The following KIAA1328 variants were observed in gnomAD, a reference collection of about 807,000 sequenced individuals.
The protein encoded by KIAA1328 is KIAA1328, also known as protein hinderin.
In KIAA1328, 52 loss-of-function variants were observed where a neutral mutation model predicts 68.1. That is an observed-to-expected ratio of 0.76 (90% CI 0.61 to 0.96). The LOEUF (loss-of-function observed/expected upper bound fraction) is 0.96. Among genes scored for constraint, KIAA1328 ranks in the 40% least tolerant of loss-of-function variants. KIAA1328 has a pLI of 0.00. For synonymous variants in KIAA1328, 232 were observed against 239.4 expected (o/e 0.97, Z 0.28); for missense variants, 641 against 677.6 (o/e 0.95, Z 0.60).
At chr18:36,840,423 C>T (rs2046821045) in intron 3 of KIAA1328, among the ~76,000 whole-genome samples, 1 of 148,978 alleles carries the variant, frequency 6.7e-6, no homozygotes, top group African/African-American at 2.5e-5. Context: ...TTTGCTTTTT[C>T]TTTTCCTTTT....
At chr18:37,096,084 T>G (rs1432465246) in intron 7 of KIAA1328, among the ~76,000 whole-genome samples, 1 of 149,686 alleles carries the variant, frequency 6.7e-6, no homozygotes, top group African/African-American at 2.5e-5. Flanking sequence ...CACCAATTCT[T>G]TTTTTTTTTC....
At position 37,172,702 on chromosome 18, in the gene KIAA1328, C is replaced by T. The variant is rs117098146; in HGVS notation, c.1415-271C>T. On this transcript the variant is annotated intron_variant, in intron 8 of 9. Coordinates refer to ENST00000280020, the MANE Select transcript of KIAA1328 (RefSeq NM_020776.3). Reference sequence around the variant, plus strand: ...GGGCATTTTCACAGTAAACCAAGATCAGCAGGGCTTTGCTAGGCAATCAGG... The same window carrying T: ...GGGCATTTTCACAGTAAACCAAGATTAGCAGGGCTTTGCTAGGCAATCAGG... 6.6e-4 allele frequency among the ~76,000 whole-genome samples: 101 copies of T among 152,292 alleles called. No homozygotes were observed. In the East Asian group the frequency reaches 0.015, roughly 23 times the overall value.
chr18:37,125,948 A>AT (rs149495539), intron 7 of KIAA1328, among the ~76,000 whole-genome samples: 29 of 151,300 alleles, frequency 1.9e-4, no homozygotes, highest in Non-Finnish European at 3.1e-4. Flanking sequence ...GGTATGTCAT[A>AT]TTTTTTTTAC....
chr18:37,181,714 T>G (rs1035520629), intron 9 of KIAA1328, among the ~76,000 whole-genome samples: 92 of 152,164 alleles, frequency 6.0e-4, no homozygotes, highest in African/African-American at 1.9e-3. Context: ...TTACAACAGC[T>G]TATATTTACT....
At chr18:37,225,378 A>T (rs2060627975), downstream of KIAA1328, 1 of 884,062 alleles carries the variant, frequency 1.1e-6, no homozygotes, top group Non-Finnish European at 1.4e-6. Flanking sequence ...CCCTCATCAG[A>T]TCAGTGAGGC....
chr18:37,049,988 G>A (rs1466575091), intron 6 of KIAA1328, among the ~76,000 whole-genome samples: 3 of 152,072 alleles, frequency 2.0e-5, no homozygotes, highest in African/African-American at 7.2e-5. Flanking sequence ...TTAATTTTAT[G>A]TTTTCTAGAA....
intron 6 of KIAA1328, among the ~76,000 whole-genome samples, chr18:37,044,031 A>G (rs983053891): frequency 5.3e-5 from 8 of 152,332 alleles, no homozygotes; most frequent in African/African-American, 1.9e-4. Context: ...TCAGATGTCA[A>G]ACATCGAGTG....
chr18:37,024,065 G>A lies in KIAA1328; in HGVS notation c.577-42825G>A, dbSNP rs75936417. Among the ~76,000 whole-genome samples the A allele has an allele frequency of 7.7e-3, 1,167 of 152,130 alleles. 11 individuals are homozygous for A. The highest frequency in any genetic ancestry group is 0.026 in the African/African-American group (1,097 of 41,500). On this transcript the variant is annotated intron_variant, in intron 6 of 9. Coordinates refer to ENST00000280020, the MANE Select transcript of KIAA1328 (RefSeq NM_020776.3). ...GGCTGGAGTGCAGTTGCATGAACACGGCTTACTGTAGCCTCAACCTCCTGG... is the reference window on the plus strand; with the variant it reads ...GGCTGGAGTGCAGTTGCATGAACACAGCTTACTGTAGCCTCAACCTCCTGG...
At chr18:36,917,306 C>T (rs1211469185) in intron 5 of KIAA1328, among the ~76,000 whole-genome samples, 1 of 151,958 alleles carries the variant, frequency 6.6e-6, no homozygotes, top group Non-Finnish European at 1.5e-5. Flanking sequence ...GCTATGTCAC[C>T]CTGGCAGCTC....
chr18:37,225,576 CT>C (rs1212131163), downstream of KIAA1328, among the ~76,000 whole-genome samples: 3 of 152,204 alleles, frequency 2.0e-5, no homozygotes, highest in Non-Finnish European at 4.4e-5. Context: ...AGATTTTGTG[CT>C]TGTTGGAACA....
At chr18:37,096,976 C>A (rs1194689722) in intron 7 of KIAA1328, among the ~76,000 whole-genome samples, 5 of 151,952 alleles carry the variant, frequency 3.3e-5, no homozygotes, top group African/African-American at 4.8e-5. Flanking sequence ...GGATATTAGC[C>A]CTTTCTCAGA....
chr18:37,102,905 AAAAG>A (rs1467317556), intron 7 of KIAA1328, among the ~76,000 whole-genome samples: 1 of 152,176 alleles, frequency 6.6e-6, no homozygotes, highest in Non-Finnish European at 1.5e-5. Context: ...AACTCATTGA[AAAAG>A]AAATCAAGAA....
At chr18:36,960,210 C>G (rs1054843224) in intron 6 of KIAA1328, among the ~76,000 whole-genome samples, 49 of 152,198 alleles carry the variant, frequency 3.2e-4, no homozygotes, top group Middle Eastern at 3.2e-3. Context: ...TCACTGCTAA[C>G]GCAGCAGTCT....
chr18:37,143,521 CTTTTTTTTTTTTTT>C (rs57046567), intron 7 of KIAA1328, among the ~76,000 whole-genome samples: 1 of 90,778 alleles, frequency 1.1e-5, no homozygotes, highest in Non-Finnish European at 2.0e-5. Context: ...TTTTTTCTTT[CTTTTTTTTTTTTTT>C]TTTTTTTTGC....
chr18:36,947,586 G>A (rs2050953259), intron 5 of KIAA1328, among the ~76,000 whole-genome samples: 1 of 152,152 alleles, frequency 6.6e-6, no homozygotes, highest in Non-Finnish European at 1.5e-5. Context: ...GGGTTGTGGA[G>A]ACCAAGGTTT....
chr18:36,959,236 T>C (rs1158398097), intron 5 of KIAA1328, 72 bp from the exon 6 acceptor site: 14 of 1,376,802 alleles, frequency 1.0e-5, no homozygotes, highest in Non-Finnish European at 1.4e-5. Flanking sequence ...TTTATTGGAA[T>C]ATGAAAAGCA....
chr18:36,834,499 T>C, intron 2 of KIAA1328, 144 bp downstream of exon 2: 1 of 610,230 alleles, frequency 1.6e-6, no homozygotes, highest in Non-Finnish European at 2.5e-6. Context: ...TTTTTTTGAA[T>C]ATTTGTCATA....
chr18:36,879,195 G>T (rs1433587711), intron 4 of KIAA1328, among the ~76,000 whole-genome samples: 2 of 148,756 alleles, frequency 1.3e-5, no homozygotes, highest in East Asian at 3.9e-4. Flanking sequence ...CTTTGGATGG[G>T]TTTTTTTTTT....
At chr18:36,919,298 CTG>C (rs944021922) in intron 5 of KIAA1328, among the ~76,000 whole-genome samples, 28 of 152,022 alleles carry the variant, frequency 1.8e-4, no homozygotes, top group African/African-American at 6.0e-4. Flanking sequence ...TGCAACTTGT[CTG>C]TTTTATTTTC....
Sources: gnomAD v4.1 joint callset for allele counts (sites outside exome capture counted in the v4.1 genomes callset) on GRCh38, gnomAD v4.1.1 for gene constraint, MANE v1.5 for transcripts, NCBI Gene and HGNC (gene_info 2026-07-23, HGNC 2026-07-21) for gene names.